The following DDHD2 variants were observed in gnomAD, a reference collection of about 807,000 sequenced individuals.
The protein encoded by DDHD2 is triacylglycerol hydrolase DDHD2.
In DDHD2, 62 loss-of-function variants were observed where a neutral mutation model predicts 91.2. That is an observed-to-expected ratio of 0.68 (90% confidence interval 0.55 to 0.84). The LOEUF (loss-of-function observed/expected upper bound fraction) is 0.84. Among genes scored for constraint, DDHD2 ranks in the 40% least tolerant of loss-of-function variants. DDHD2 has a pLI of 0.00. For missense variants in DDHD2, 740 were observed against 846.9 expected (o/e 0.87, Z 1.57); for synonymous variants, 271 against 293.9 (o/e 0.92, Z 0.80).
chr8:38,259,379 C>A (rs1301755353), intron 16 of DDHD2, among the ~76,000 whole-genome samples: 2 of 151,548 alleles, frequency 1.3e-5, no homozygotes, highest in Non-Finnish European at 2.9e-5. Flanking sequence ...TGCTGCCACG[C>A]CTGGCTAGTT....
intron 1 of DDHD2, chr8:38,269,324 C>T (rs1056868938): frequency 9.6e-7 from 1 of 1,041,772 alleles, no homozygotes; most frequent in Non-Finnish European, 1.3e-6. Flanking sequence ...AGGAAGACGG[C>T]CTGGCGGCTG....
At chr8:38,242,064 A>T (rs1468341394) in intron 6 of DDHD2, 186 bp from the exon 7 acceptor site, 3 of 533,784 alleles carry the variant, frequency 5.6e-6, no homozygotes, top group Non-Finnish European at 6.4e-6. Context: ...AAAAAAAAAA[A>T]GTTATTAAAG....
At chr8:38,269,309 T>TC (rs1385470403) in intron 1 of DDHD2, 1 of 1,172,056 alleles carries the variant, frequency 8.5e-7, no homozygotes, top group Non-Finnish European at 1.1e-6. Flanking sequence ...CTCCGGCGGC[T>TC]CCCCAGGAAG....
chr8:38,247,843 TA>T lies in DDHD2; in HGVS notation c.1248+10del. Reference sequence around the variant, plus strand: ...GTAGATAAGGAAGCTCTGGTAAAAATAATCTTTTAAAACTTTATGCCAAGCC... The same window carrying T: ...GTAGATAAGGAAGCTCTGGTAAAAATATCTTTTAAAACTTTATGCCAAGCC... On this transcript the variant is annotated intron_variant, in intron 10 of 17. Transcript: ENST00000397166. 1 of 1,553,208 alleles carries T rather than the reference TA, an allele frequency of 6.4e-7. No homozygotes were observed. The highest frequency in any genetic ancestry group is 8.6e-7 in the Non-Finnish European group (1 of 1,157,004).
intron 6 of DDHD2, among the ~76,000 whole-genome samples, chr8:38,240,836 G>T (rs1272932998): frequency 6.6e-6 from 1 of 152,154 alleles, no homozygotes; most frequent in Non-Finnish European, 1.5e-5. Flanking sequence ...ACTTTGGGAG[G>T]CCAAGGCAGG....
rs1355781397 is a variant in DDHD2 at position 38,231,838 on chromosome 8, TGAG to T, written c.-26_-24del. 1 of 152,908 alleles carries T rather than the reference TGAG, an allele frequency of 6.5e-6. No homozygotes were observed. Among genetic ancestry groups the T allele is most frequent in the African/African-American group, 2.4e-5 (1 of 41,372 alleles). The allele number at this position is 152,908 out of a possible 1,614,324, so 9.5% of individuals were successfully genotyped here. A position where few individuals can be genotyped will look rare whatever the true frequency, so the allele number is the denominator to read the frequency against. ...CCTCCTCAGGGAGGGCAGGAGAGCC[TGAG>T]GAGTGGCGGGGCCGCCAGGTGAGAC... On this transcript the variant is annotated 5_prime_UTR_variant, in exon 1 of 18. Coordinates refer to ENST00000397166, the MANE Select transcript of DDHD2 (RefSeq NM_015214.3).
At chr8:38,264,465 A>G, downstream of DDHD2, 1 of 1,550,034 alleles carries the variant, frequency 6.5e-7, no homozygotes, top group Non-Finnish European at 8.7e-7. Context: ...AACAATAAGA[A>G]TCCCCAGGCT....
At chr8:38,253,766 A>G in intron 16 of DDHD2, 48 bp downstream of exon 16, 3 of 1,576,430 alleles carry the variant, frequency 1.9e-6, no homozygotes, top group Non-Finnish European at 2.6e-6. Context: ...CCTGTTTCAT[A>G]GATATTTGAT....
Position 38,249,676 on chromosome 8 carries a change from G to A in DDHD2, c.1249-32G>A. The A allele has an allele frequency of 2.6e-6, 4 of 1,519,558 alleles. No individual in the cohort carries two copies. The East Asian group carries it at 9.1e-5, about 34-fold the overall frequency. 94.1% of individuals were successfully genotyped at this position (1,519,558 alleles called of 1,614,324 possible). A position where few individuals can be genotyped will look rare whatever the true frequency, so the allele number is the denominator to read the frequency against. On this transcript the variant is annotated intron_variant, in intron 10 of 17. Coordinates refer to ENST00000397166, the MANE Select transcript of DDHD2 (RefSeq NM_015214.3). ...GACAGGATTGATTTTATTTTGTCTAGAAATAAGAAAGACTTGATTTTCTAT... is the reference window on the plus strand; with the variant it reads ...GACAGGATTGATTTTATTTTGTCTAAAAATAAGAAAGACTTGATTTTCTAT...
chr8:38,249,789 A>G lies in DDHD2; in HGVS notation c.1330A>G (p.Arg444Gly). Residue 444 changes from arginine to glycine, a missense_variant, in exon 11 of 18, where the codon AGA becomes GGA. Physicochemically the swap from Arg to Gly is moderately radical, Grantham distance 125. Around this residue, in one of 2 missense-constraint regions of DDHD2, gnomAD observed 693 missense variants for 764.2 expected, o/e 0.91. Coordinates refer to ENST00000397166, the MANE Select transcript of DDHD2 (RefSeq NM_015214.3). ...RKKILNYFST[R>G]KNSMGIKRPA... Reference sequence around the variant, plus strand: ...GAAGATATTAAACTATTTCAGCACCAGAAAAAACTCAATGGTATGTGCCTA... The same window carrying G: ...GAAGATATTAAACTATTTCAGCACCGGAAAAAACTCAATGGTATGTGCCTA... The G allele has an allele frequency of 6.2e-7, 1 of 1,608,290 alleles. No individual in the cohort carries two copies. The highest frequency in any genetic ancestry group is 8.5e-7 in the Non-Finnish European group (1 of 1,175,302).
downstream of DDHD2, chr8:38,266,060 G>T: frequency 7.7e-7 from 1 of 1,296,316 alleles, no homozygotes; most frequent in Non-Finnish European, 1.1e-6. Flanking sequence ...CAGATATTTA[G>T]TAAGCATCTC....
At position 38,249,688 on chromosome 8, in the gene DDHD2, A is replaced by G. The variant is rs369308614; in HGVS notation, c.1249-20A>G. On this transcript the variant is annotated intron_variant, in intron 10 of 17. Coordinates refer to ENST00000397166, the MANE Select transcript of DDHD2 (RefSeq NM_015214.3). ...TTTATTTTGTCTAGAAATAAGAAAGACTTGATTTTCTATGCCTAGGCTTTA... is the reference window on the plus strand; with the variant it reads ...TTTATTTTGTCTAGAAATAAGAAAGGCTTGATTTTCTATGCCTAGGCTTTA... 179 of 1,560,204 alleles carry G rather than the reference A, an allele frequency of 1.1e-4. No individual in the cohort carries two copies. Among genetic ancestry groups the G allele is most frequent in the Non-Finnish European group, 1.4e-4 (160 of 1,137,328 alleles).
Position 38,233,121 on chromosome 8 carries a change from C to T in DDHD2, c.127C>T (p.His43Tyr). ...AGSLYEPVSPHWFYCKIIDSK... is the reference protein window; with the variant it reads ...AGSLYEPVSPYWFYCKIIDSK... ...CAGCTTGTATGAACCAGTTTCTCCCCATTGGTTTTATTGTAAGATAATAGA... is the reference window on the plus strand; with the variant it reads ...CAGCTTGTATGAACCAGTTTCTCCCTATTGGTTTTATTGTAAGATAATAGA... The change falls in exon 2 of 18, where the codon CAT becomes TAT. Residue 43 changes from histidine to tyrosine, a missense_variant. His to Tyr is a moderately conservative substitution (Grantham distance 83). Coordinates refer to ENST00000397166, the MANE Select transcript of DDHD2 (RefSeq NM_015214.3). 6.2e-7 allele frequency: 1 copy of T among 1,614,030 alleles called. No individual in the cohort carries two copies. The highest frequency in any genetic ancestry group is 8.5e-7 in the Non-Finnish European group (1 of 1,179,912).
At chr8:38,251,676 T>C (rs944554128) in intron 11 of DDHD2, 1 of 347,824 alleles carries the variant, frequency 2.9e-6, no homozygotes, top group African/African-American at 2.1e-5. Context: ...TTCAGAACTT[T>C]CCCAAGGGTC....
At chr8:38,269,485 C>G (rs1808350072) in intron 1 of DDHD2, among the ~76,000 whole-genome samples, 1 of 152,242 alleles carries the variant, frequency 6.6e-6, no homozygotes, top group Admixed American at 6.5e-5. Context: ...ACCACACCAC[C>G]GCGGGGAGCA....
intron 10 of DDHD2, 147 bp from the exon 11 acceptor site, chr8:38,249,561 C>T (rs192505391): frequency 3.1e-4 from 110 of 356,718 alleles, no homozygotes; most frequent in Admixed American, 1.2e-3. Flanking sequence ...ATGAATAAAA[C>T]AGGTCCTTTT....
At chr8:38,247,996 T>C (rs112759885) in intron 10 of DDHD2, among the ~76,000 whole-genome samples, 161 bp downstream of exon 10, 204 of 152,322 alleles carry the variant, frequency 1.3e-3, no homozygotes, top group African/African-American at 3.4e-3. Context: ...CAAGTGACCT[T>C]TGCTTTGTGG....
intron 15 of DDHD2, 200 bp downstream of exon 15, chr8:38,253,327 A>G (rs1806259287): frequency 2.5e-5 from 18 of 728,820 alleles, no homozygotes; most frequent in South Asian, 1.2e-4. Context: ...CTAGCTATCA[A>G]TGGTATAGGT....
In DDHD2 at chr8:38,243,386, T is replaced by C. The variant is rs56208171; in HGVS notation, c.848+1001T>C. 8.5e-3 allele frequency among the ~76,000 whole-genome samples: 1,297 copies of C among 152,328 alleles called. 11 individuals carry two copies. The highest frequency in any genetic ancestry group is 0.013 in the Non-Finnish European group (898 of 68,026). ...GATCTCTTTATCGTTTGACCTGTAA[T>C]TAAAAAACCTTACTGCTGAGAATTC... On this transcript the variant is annotated intron_variant, in intron 7 of 17. Transcript: ENST00000397166.
Sources: gnomAD v4.1 joint callset for allele counts (sites outside exome capture counted in the v4.1 genomes callset) on GRCh38, gnomAD v4.1.1 for gene constraint, gnomAD v4.1.1 regional missense constraint, MANE v1.5 for transcripts, NCBI Gene and HGNC (gene_info 2026-07-23, HGNC 2026-07-21) for gene names.